Variants in PIP5K1B observed in about 807,000 individuals in gnomAD.
The protein encoded by PIP5K1B is phosphatidylinositol-4-phosphate 5-kinase type 1 beta.
PIP5K1B carries 42 observed loss-of-function variants against 67.0 expected under a neutral mutation model. That is an observed-to-expected ratio of 0.63 (90% confidence interval 0.49 to 0.81). The LOEUF (loss-of-function observed/expected upper bound fraction) is 0.81, where lower values mean the gene tolerates loss of function less well. Ranked by LOEUF, PIP5K1B falls within the 30% of genes least tolerant of loss-of-function variation. The pLI, the probability that PIP5K1B is intolerant of heterozygous loss-of-function variation, is 0.00. For synonymous variants in PIP5K1B, 214 were observed against 231.4 expected (o/e 0.92, Z 0.68); for missense variants, 459 against 646.3 (o/e 0.71, Z 3.14).
intron 1 of PIP5K1B, among the ~76,000 whole-genome samples, chr9:68,707,417 T>C (rs889967024): frequency 6.6e-6 from 1 of 152,152 alleles, no homozygotes; most frequent in Non-Finnish European, 1.5e-5. Context: ...AGAAGGAACA[T>C]GAGGCTCACA....
chr9:68,757,092 G>C (rs1028052289), intron 2 of PIP5K1B, among the ~76,000 whole-genome samples: 1 of 152,078 alleles, frequency 6.6e-6, no homozygotes, highest in African/African-American at 2.4e-5. Flanking sequence ...ACATTCCCAA[G>C]TTGTTCCAAC....
At position 68,898,976 on chromosome 9, in the gene PIP5K1B, C is replaced by T. The variant is rs185697045; in HGVS notation, c.771+4338C>T. Among the ~76,000 whole-genome samples the T allele has an allele frequency of 1.6e-3, 246 of 152,288 alleles. 2 individuals carry two copies. The highest frequency in any genetic ancestry group is 5.0e-3 in the African/African-American group (208 of 41,556). ...GCCAAGGTTCCCCACTGCTTTTGGG[C>T]GAAAGCCAGTGATTCCCAGCTTGGA... On this transcript the variant is annotated intron_variant, in intron 8 of 15. Coordinates refer to ENST00000265382, the MANE Select transcript of PIP5K1B (RefSeq NM_003558.4).
In PIP5K1B at chr9:69,006,191, C is replaced by T. The variant is rs146481379; in HGVS notation, c.1621-2256C>T. On this transcript the variant is annotated intron_variant, in intron 15 of 15. Transcript: ENST00000265382. ...CCCAGCCCACTCATTTTTTTTACTC[C>T]GGTTAAAAAGCACTTCTAGCTTGAG... 4.1e-3 allele frequency among the ~76,000 whole-genome samples: 627 copies of T among 151,952 alleles called. 3 individuals carry two copies. The highest frequency in any genetic ancestry group is 0.014 in the African/African-American group (568 of 41,476).
intron 4 of PIP5K1B, among the ~76,000 whole-genome samples, chr9:68,829,984 A>G (rs1246086279): frequency 1.3e-5 from 2 of 152,116 alleles, no homozygotes; most frequent in Admixed American, 1.3e-4. Context: ...AAGCCTGGGC[A>G]TGGGAGGTGA....
intron 15 of PIP5K1B, among the ~76,000 whole-genome samples, chr9:68,999,995 T>C (rs1032269327): frequency 2.6e-5 from 4 of 152,176 alleles, no homozygotes; most frequent in Admixed American, 1.3e-4. Flanking sequence ...AAAGGCAGCT[T>C]ACTCTGACAG....
At chr9:68,889,866 G>T (rs373419341) in intron 7 of PIP5K1B, among the ~76,000 whole-genome samples, 3 of 152,084 alleles carry the variant, frequency 2.0e-5, no homozygotes, top group African/African-American at 7.2e-5. Flanking sequence ...CAGCCAGTAC[G>T]CAGTAATAGT....
chr9:68,789,324 C>T (rs1032108086), intron 2 of PIP5K1B: 7 of 395,086 alleles, frequency 1.8e-5, no homozygotes, highest in African/African-American at 4.2e-5. Flanking sequence ...CATTGCCAAG[C>T]GTCTCTTCTG....
intron 1 of PIP5K1B, among the ~76,000 whole-genome samples, chr9:68,718,835 A>G (rs894674027): frequency 6.6e-6 from 1 of 152,080 alleles, no homozygotes; most frequent in Non-Finnish European, 1.5e-5. Flanking sequence ...TTTTCTTGAT[A>G]ATTTTTTTTT....
intron 2 of PIP5K1B, among the ~76,000 whole-genome samples, chr9:68,748,801 G>A (rs1032747061): frequency 3.9e-5 from 6 of 151,918 alleles, no homozygotes; most frequent in Non-Finnish European, 8.8e-5. Context: ...TAGTAGAGAC[G>A]GGGTTTCACC....
At chr9:68,726,192 T>C (rs1828140519) in intron 1 of PIP5K1B, among the ~76,000 whole-genome samples, 1 of 152,216 alleles carries the variant, frequency 6.6e-6, no homozygotes, top group Non-Finnish European at 1.5e-5. Context: ...TTTACCTTGA[T>C]GTGATTATTA....
At chr9:68,845,065 G>A (rs11143988) in intron 4 of PIP5K1B, among the ~76,000 whole-genome samples, 14,169 of 152,178 alleles carry the variant, frequency 0.093, 838 homozygotes, top group Non-Finnish European at 0.14. Flanking sequence ...GTCGTATATC[G>A]TGTAGAATTT....
rs1267166860 is a variant in PIP5K1B at position 68,779,197 on chromosome 9, T to C, written c.-86+36540T>C. ...CTCACTTTTAATGAGATATCAAGGT[T>C]TTATATTAATTACATGAGCCAAGAA... On this transcript the variant is annotated intron_variant, in intron 2 of 15. Transcript: ENST00000265382. 1.2e-4 allele frequency among the ~76,000 whole-genome samples: 19 copies of C among 152,302 alleles called. No individual in the cohort carries two copies. The South Asian group carries it at 1.9e-3, about 15-fold the overall frequency.
intron 15 of PIP5K1B, among the ~76,000 whole-genome samples, chr9:68,992,493 C>T (rs182665906): frequency 6.6e-4 from 100 of 152,200 alleles, no homozygotes; most frequent in African/African-American, 2.3e-3. Context: ...CTCACAAGTG[C>T]TCTGCAGGGC....
chr9:68,958,538 A>G (rs1025359474), intron 14 of PIP5K1B, among the ~76,000 whole-genome samples: 13 of 152,246 alleles, frequency 8.5e-5, no homozygotes, highest in African/African-American at 2.9e-4. Context: ...AATTTTTCTC[A>G]GTATTCATTT....
At chr9:68,968,412 CG>C (rs1829152227) in intron 14 of PIP5K1B, among the ~76,000 whole-genome samples, 1 of 148,888 alleles carries the variant, frequency 6.7e-6, no homozygotes, top group Non-Finnish European at 1.5e-5. Context: ...CCCAGCTACT[CG>C]GGAGGCTGAG....
At chr9:68,756,413 T>G (rs540313013) in intron 2 of PIP5K1B, among the ~76,000 whole-genome samples, 1 of 152,384 alleles carries the variant, frequency 6.6e-6, no homozygotes, top group East Asian at 1.9e-4. Flanking sequence ...GTCTGTGTAT[T>G]CATTCTTCAT....
At chr9:68,783,237 T>C (rs1001883948) in intron 2 of PIP5K1B, 2 of 167,082 alleles carry the variant, frequency 1.2e-5, no homozygotes, top group African/African-American at 4.8e-5. Context: ...TATTCTGAAA[T>C]AGCTTCAATC....
intron 14 of PIP5K1B, among the ~76,000 whole-genome samples, chr9:68,973,981 G>A (rs373448116): frequency 2.0e-5 from 3 of 152,140 alleles, no homozygotes; most frequent in Non-Finnish European, 2.9e-5. Flanking sequence ...GGGCTCAAGC[G>A]ATCCTCCCAC....
intron 6 of PIP5K1B, among the ~76,000 whole-genome samples, chr9:68,886,811 A>G (rs925722378): frequency 3.3e-5 from 5 of 152,056 alleles, no homozygotes; most frequent in East Asian, 1.9e-4. Flanking sequence ...AGACCCTCCA[A>G]TGGCTTTTCG....
Sources: gnomAD v4.1 joint callset for allele counts (sites outside exome capture counted in the v4.1 genomes callset) on GRCh38, gnomAD v4.1.1 for gene constraint, MANE v1.5 for transcripts, NCBI Gene and HGNC (gene_info 2026-07-23, HGNC 2026-07-21) for gene names.